GABRA4: variants seen among roughly 807,000 people sequenced by gnomAD.
GABRA4 encodes gamma-aminobutyric acid type A receptor subunit alpha4.
In GABRA4, 12 loss-of-function variants were observed where a neutral mutation model predicts 49.7. That is an observed-to-expected ratio of 0.24 (90% confidence interval 0.15 to 0.39). The LOEUF (loss-of-function observed/expected upper bound fraction) is 0.39. Among genes scored for constraint, GABRA4 ranks in the 10% least tolerant of loss-of-function variants. The probability of loss-of-function intolerance (pLI) is 1.00; values close to 1 mark genes in which losing one functional copy is unlikely to be tolerated. For missense variants in GABRA4, 506 were observed against 686.0 expected (o/e 0.74, Z 2.93); for synonymous variants, 288 against 240.2 (o/e 1.20, Z -1.84).
At chr4:46,956,048 T>C (rs548933601) in intron 8 of GABRA4, among the ~76,000 whole-genome samples, 75 of 152,156 alleles carry the variant, frequency 4.9e-4, no homozygotes, top group African/African-American at 1.5e-3. Context: ...ACATAAAAAA[T>C]GGCTGGAGAT....
chr4:46,930,787 CT>C (rs775856981), intron 8 of GABRA4, among the ~76,000 whole-genome samples: 1 of 151,260 alleles, frequency 6.6e-6, no homozygotes, highest in Admixed American at 6.6e-5. Flanking sequence ...GTAACAGGAA[CT>C]AAGTCTACTT....
intron 3 of GABRA4, among the ~76,000 whole-genome samples, chr4:46,978,721 A>G (rs1455205975): frequency 1.3e-5 from 2 of 150,478 alleles, no homozygotes; most frequent in Admixed American, 6.6e-5. Context: ...AAAGAAAAAG[A>G]AAGAAAGAAA....
At chr4:46,958,366 T>C (rs1015078627) in intron 8 of GABRA4, among the ~76,000 whole-genome samples, 5 of 152,006 alleles carry the variant, frequency 3.3e-5, no homozygotes, top group African/African-American at 1.2e-4. Flanking sequence ...ACAGTGTGCA[T>C]ATATTAATGC....
chr4:46,959,758 C>T (rs938088942), intron 8 of GABRA4, among the ~76,000 whole-genome samples: 1 of 82,692 alleles, frequency 1.2e-5, no homozygotes, highest in Non-Finnish European at 2.2e-5. Flanking sequence ...CATCACTTTG[C>T]AAAAAAAAAA....
At chr4:46,974,615 AAGG>A (rs1481846571) in intron 5 of GABRA4, among the ~76,000 whole-genome samples, 1 of 151,948 alleles carries the variant, frequency 6.6e-6, no homozygotes, top group Non-Finnish European at 1.5e-5. Context: ...ATGCCAAATA[AAGG>A]AGGAGGAGAT....
At chr4:46,932,209 G>T (rs1313157257) in intron 8 of GABRA4, among the ~76,000 whole-genome samples, 1 of 152,016 alleles carries the variant, frequency 6.6e-6, no homozygotes, top group African/African-American at 2.4e-5. Flanking sequence ...AACATATTTT[G>T]CCCTTCATAA....
Position 46,971,591 on chromosome 4 carries a change from A to G in GABRA4, c.722-356T>C, listed in dbSNP as rs181525602. On this transcript the variant is annotated intron_variant, in intron 6 of 8. Transcript: ENST00000264318. The stretch of plus-strand genomic sequence containing the variant: ...ACAGCATTTAGACCTATCTTCTATG[A>G]AAAACCACTAGAAAAAAATAGAAAT... Among the ~76,000 whole-genome samples the G allele has an allele frequency of 1.8e-4, 27 of 151,556 alleles. No homozygotes were observed. In the East Asian group the frequency reaches 2.7e-3, roughly 15 times the overall value.
chr4:46,944,752 T>C (rs1438404794), intron 8 of GABRA4, among the ~76,000 whole-genome samples: 2 of 152,058 alleles, frequency 1.3e-5, no homozygotes, highest in African/African-American at 4.8e-5. Context: ...CCTCATCAAA[T>C]CTTACACCAT....
In GABRA4 at chr4:46,928,016, T is replaced by C. The variant is rs573201901; in HGVS notation, c.*209A>G. 1.1e-5 allele frequency: 5 copies of C among 474,062 alleles called. No homozygotes were observed. Among genetic ancestry groups the C allele is most frequent in the Admixed American group, 7.6e-5 (2 of 26,294 alleles). 29.4% of individuals were successfully genotyped at this position (474,062 alleles called of 1,614,324 possible). On this transcript the variant is annotated 3_prime_UTR_variant, in exon 9 of 9. Transcript: ENST00000264318. Reference sequence around the variant, plus strand: ...GTATTCTATCTAACTGAATGCTGAGTTCTTTTAAAATAATTTTTCTGAAAA... The same window carrying C: ...GTATTCTATCTAACTGAATGCTGAGCTCTTTTAAAATAATTTTTCTGAAAA...
At chr4:46,932,061 A>C (rs1326066389) in intron 8 of GABRA4, among the ~76,000 whole-genome samples, 1 of 152,064 alleles carries the variant, frequency 6.6e-6, no homozygotes, top group Non-Finnish European at 1.5e-5. Context: ...AAAGGTCCTG[A>C]TGGGAGGTGC....
At chr4:46,978,894 T>C (rs1007338257) in intron 3 of GABRA4, 137 bp downstream of exon 3, 2 of 679,094 alleles carry the variant, frequency 2.9e-6, no homozygotes, top group East Asian at 2.7e-5. Flanking sequence ...TTACTCTTCA[T>C]ACATTCTTAA....
At position 46,920,127 on chromosome 4, in the gene GABRA4, A is replaced by G. The variant is rs1577732352; in HGVS notation, c.*8098T>C. The G allele has an allele frequency of 6.6e-6, 1 of 151,826 alleles. No homozygotes were observed. Among genetic ancestry groups the G allele is most frequent in the South Asian group, 2.1e-4 (1 of 4,828 alleles). 9.4% of individuals were successfully genotyped at this position (151,826 alleles called of 1,614,324 possible). A position where few individuals can be genotyped will look rare whatever the true frequency, so the allele number is the denominator to read the frequency against. Reference sequence around the variant, plus strand: ...CACAAGTATAAAAGACTGAGAAAAAAATATGTCAATCAAACTTTAACTGAA... The same window carrying G: ...CACAAGTATAAAAGACTGAGAAAAAGATATGTCAATCAAACTTTAACTGAA... On this transcript the variant is annotated 3_prime_UTR_variant, in exon 9 of 9. Coordinates refer to ENST00000264318, the MANE Select transcript of GABRA4 (RefSeq NM_000809.4).
At position 46,975,730 on chromosome 4, in the gene GABRA4, G is replaced by A. The variant is rs914133450; in HGVS notation, c.577+1331C>T. On this transcript the variant is annotated intron_variant, in intron 5 of 8. Coordinates refer to ENST00000264318, the MANE Select transcript of GABRA4 (RefSeq NM_000809.4). ...TTCTGAGAACTAGAGGTTGGGATGC[G>A]GGGAGTGAAAAGGACTTCCTCTACA... is the stretch of plus-strand genomic sequence containing the variant. Among the ~76,000 whole-genome samples, 13 of 151,962 alleles carry A rather than the reference G, an allele frequency of 8.6e-5. No homozygotes were observed. The East Asian group carries it at 1.6e-3, about 18-fold the overall frequency.
At chr4:46,980,111 A>G (rs1392082374) in intron 2 of GABRA4, among the ~76,000 whole-genome samples, 1 of 152,112 alleles carries the variant, frequency 6.6e-6, no homozygotes, top group East Asian at 1.9e-4. Flanking sequence ...GTATTAATTG[A>G]GATAATACTT....
chr4:46,987,128 C>A (rs191641368), intron 2 of GABRA4, among the ~76,000 whole-genome samples: 284 of 152,222 alleles, frequency 1.9e-3, no homozygotes, highest in African/African-American at 6.6e-3. Context: ...AAAGCACAGT[C>A]CTAATCAGCC....
chr4:46,974,474 T>A (rs748639709), intron 5 of GABRA4, 99 bp from the exon 6 acceptor site: 1 of 1,135,116 alleles, frequency 8.8e-7, no homozygotes, highest in Non-Finnish European at 1.2e-6. Flanking sequence ...AAAGATGGAA[T>A]AAATGAAAAC....
intron 8 of GABRA4, among the ~76,000 whole-genome samples, chr4:46,940,112 A>G (rs1721740367): frequency 6.6e-6 from 1 of 152,088 alleles, no homozygotes; most frequent in Admixed American, 6.6e-5. Flanking sequence ...CAAAATCTGC[A>G]TCTTCTATGT....
At position 46,930,896 on chromosome 4, in the gene GABRA4, C is replaced by T. The variant is rs1032267828; in HGVS notation, c.1135-2141G>A. Among the ~76,000 whole-genome samples, 7 of 150,684 alleles carry T rather than the reference C, an allele frequency of 4.6e-5. No individual in the cohort carries two copies. The East Asian group carries it at 5.9e-4, about 13-fold the overall frequency. On this transcript the variant is annotated intron_variant, in intron 8 of 8. Transcript: ENST00000264318. ...TTAGACAACACAGAACCATAATCAC[C>T]GAGAGGGAAGAAACAAACTTGAGAG... is the stretch of plus-strand genomic sequence containing the variant.
chr4:46,979,505 A>G (rs941943822), intron 2 of GABRA4, among the ~76,000 whole-genome samples: 2 of 152,116 alleles, frequency 1.3e-5, no homozygotes, highest in Admixed American at 6.6e-5. Flanking sequence ...GAGAAAAACC[A>G]TAACAGCTGT....
Sources: allele counts gnomAD v4.1 joint callset (sites outside exome capture counted in the v4.1 genomes callset), GRCh38; gene constraint gnomAD v4.1.1; transcripts MANE v1.5; gene names NCBI Gene and HGNC (gene_info 2026-07-23, HGNC 2026-07-21).